The following TMEM232 variants were observed in gnomAD, a reference collection of about 807,000 sequenced individuals.
TMEM232 encodes transmembrane protein 232.
Under a neutral mutation model 78.8 loss-of-function variants are expected in TMEM232, and 80 were observed. The observed-to-expected ratio is 1.01, with a 90% CI of 0.85 to 1.22. The LOEUF (loss-of-function observed/expected upper bound fraction) is 1.22, where lower values mean the gene tolerates loss of function less well. Ranked by LOEUF, TMEM232 falls within the 50% of genes most tolerant of loss-of-function variation. TMEM232 has a pLI of 0.00. For missense variants in TMEM232, 881 were observed against 742.2 expected (o/e 1.19, Z -2.17); for synonymous variants, 297 against 254.3 (o/e 1.17, Z -1.60).
chr5:110,524,917 T>G (rs1420908369), intron 12 of TMEM232, among the ~76,000 whole-genome samples: 1 of 152,118 alleles, frequency 6.6e-6, no homozygotes. Flanking sequence ...TGCAATACTT[T>G]CTCACCTAAT....
At chr5:110,450,075 A>C (rs1760099146) in intron 12 of TMEM232, among the ~76,000 whole-genome samples, 1 of 151,906 alleles carries the variant, frequency 6.6e-6, no homozygotes, top group African/African-American at 2.4e-5. Flanking sequence ...AGTGTGTGGC[A>C]CTTCCCTCTT....
chr5:110,736,898 C>T (rs1414129836), intron 1 of TMEM232, among the ~76,000 whole-genome samples: 1 of 151,774 alleles, frequency 6.6e-6, no homozygotes, highest in East Asian at 1.9e-4. Context: ...TCTTGCTCAG[C>T]TCTGCCTGGA....
At chr5:110,692,459 G>A (rs1447243670) in intron 1 of TMEM232, among the ~76,000 whole-genome samples, 3 of 152,186 alleles carry the variant, frequency 2.0e-5, no homozygotes, top group Admixed American at 6.5e-5. Flanking sequence ...GGGTGCAGGA[G>A]AGTGGGTGCA....
intron 2 of TMEM232, among the ~76,000 whole-genome samples, chr5:110,410,372 G>A (rs1409417309): frequency 6.6e-6 from 1 of 152,098 alleles, no homozygotes; most frequent in African/African-American, 2.4e-5. Flanking sequence ...TTAGATTCAG[G>A]CACACAGCTT....
chr5:110,479,918 AT>A (rs1191353306), intron 12 of TMEM232, among the ~76,000 whole-genome samples: 1 of 151,814 alleles, frequency 6.6e-6, no homozygotes, highest in Admixed American at 6.6e-5. Flanking sequence ...ATACAATATA[AT>A]TTTTTTAACA....
intron 1 of TMEM232, among the ~76,000 whole-genome samples, chr5:110,691,430 T>C (rs1158933026): frequency 6.6e-6 from 1 of 152,210 alleles, no homozygotes; most frequent in Non-Finnish European, 1.5e-5. Flanking sequence ...AGGGATGTAA[T>C]TGTCCATGAA....
At chr5:110,566,291 G>T (rs1289365251) in intron 11 of TMEM232, among the ~76,000 whole-genome samples, 1 of 151,772 alleles carries the variant, frequency 6.6e-6, no homozygotes, top group Non-Finnish European at 1.5e-5. Flanking sequence ...GGGGCTGCTG[G>T]GAATGTCTCT....
intron 13 of TMEM232, among the ~76,000 whole-genome samples, chr5:110,421,107 G>C (rs943793042): frequency 6.6e-6 from 1 of 151,662 alleles, no homozygotes; most frequent in Non-Finnish European, 1.5e-5. Context: ...CGAGATGAAA[G>C]CAAAACAGAA....
chr5:110,531,641 C>T (rs1771499934), intron 11 of TMEM232, among the ~76,000 whole-genome samples: 1 of 152,168 alleles, frequency 6.6e-6, no homozygotes, highest in Non-Finnish European at 1.5e-5. Flanking sequence ...CTCCTTTTAG[C>T]CCTCCCCCAC....
rs150025581 is a variant in TMEM232 at position 110,431,096 on chromosome 5, G to A, written c.1704-6180C>T. On this transcript the variant is annotated intron_variant, in intron 12 of 13. Transcript: ENST00000455884. ...AAGCAAAAAAGAGTTTAGAGCTGCC[G>A]AGGTAGCCAGGACTTGAAGGATCAA... Among the ~76,000 whole-genome samples, 720 of 151,658 alleles carry A rather than the reference G, an allele frequency of 4.7e-3. 1 individual carries two copies. Among genetic ancestry groups the A allele is most frequent in the Non-Finnish European group, 8.1e-3 (551 of 67,730 alleles).
At chr5:110,646,016 G>A (rs1012468561) in intron 2 of TMEM232, among the ~76,000 whole-genome samples, 2 of 151,326 alleles carry the variant, frequency 1.3e-5, no homozygotes, top group African/African-American at 2.4e-5. Context: ...AGAGGTGAAA[G>A]ACCTGTACAC....
At chr5:110,514,241 A>G (rs1036129343) in intron 12 of TMEM232, among the ~76,000 whole-genome samples, 6 of 152,178 alleles carry the variant, frequency 3.9e-5, no homozygotes, top group African/African-American at 1.4e-4. Flanking sequence ...TTAATTAAAT[A>G]ACTAGAAGCA....
chr5:110,436,765 T>A (rs928094649), intron 12 of TMEM232, among the ~76,000 whole-genome samples: 4 of 152,058 alleles, frequency 2.6e-5, no homozygotes, highest in Admixed American at 2.6e-4. Context: ...GAGTTCACTG[T>A]AGCTATGTGG....
At chr5:110,516,560 T>C (rs1004131865) in intron 12 of TMEM232, among the ~76,000 whole-genome samples, 13 of 152,170 alleles carry the variant, frequency 8.5e-5, no homozygotes, top group African/African-American at 2.7e-4. Flanking sequence ...TTTTTTGGTC[T>C]ACAACTTTTA....
intron 12 of TMEM232, among the ~76,000 whole-genome samples, chr5:110,515,552 C>T (rs1768489326): frequency 1.3e-5 from 2 of 152,138 alleles, no homozygotes; most frequent in South Asian, 4.1e-4. Flanking sequence ...AAATACAAAC[C>T]CAATGAATGT....
intron 12 of TMEM232, among the ~76,000 whole-genome samples, chr5:110,470,810 C>G (rs779598092): frequency 1.3e-5 from 2 of 152,128 alleles, no homozygotes; most frequent in African/African-American, 2.4e-5. Flanking sequence ...GACATCAACA[C>G]AGAGACACAA....
Position 110,554,689 on chromosome 5 carries a change from G to A in TMEM232, c.1455+13758C>T, listed in dbSNP as rs1331704425. Among the ~76,000 whole-genome samples the A allele has an allele frequency of 3.4e-5, 5 of 147,324 alleles. No individual in the cohort carries two copies. In the South Asian group the frequency reaches 8.5e-4, roughly 25 times the overall value. ...TCATTCTATGGAATGAGGTAAAGAG[G>A]AGTACTTCCTCCTCAATTTTTTGGA... is the stretch of plus-strand genomic sequence containing the variant. On this transcript the variant is annotated intron_variant, in intron 11 of 13. Coordinates refer to ENST00000455884, the MANE Select transcript of TMEM232 (RefSeq NM_001039763.4).
intron 1 of TMEM232, among the ~76,000 whole-genome samples, chr5:110,682,458 T>A (rs965786272): frequency 6.6e-6 from 1 of 152,128 alleles, no homozygotes; most frequent in Non-Finnish European, 1.5e-5. Flanking sequence ...CTAATGTTCT[T>A]GGCTTATAAA....
At chr5:110,404,764 A>C (rs1249372122) in intron 2 of TMEM232, among the ~76,000 whole-genome samples, 1 of 152,054 alleles carries the variant, frequency 6.6e-6, no homozygotes, top group African/African-American at 2.4e-5. Flanking sequence ...CCAAAGAAAA[A>C]CAAGTGCTTC....
Sources: allele counts gnomAD v4.1 joint callset (sites outside exome capture counted in the v4.1 genomes callset), GRCh38; gene constraint gnomAD v4.1.1; transcripts MANE v1.5; gene names NCBI Gene and HGNC (gene_info 2026-07-23, HGNC 2026-07-21).